The following ATP10A variants were observed in gnomAD, a reference collection of about 807,000 sequenced individuals.
The protein encoded by ATP10A is phospholipid-transporting ATPase VA.
Under a neutral mutation model 147.8 loss-of-function variants are expected in ATP10A, and 111 were observed. That is an observed-to-expected ratio of 0.75 (90% CI 0.64 to 0.88). ATP10A has a LOEUF of 0.88. Ranked by LOEUF, ATP10A falls within the 40% of genes least tolerant of loss-of-function variation. ATP10A has a pLI of 0.00. For missense variants in ATP10A, 1,927 were observed against 1,959.0 expected (o/e 0.98, Z 0.31); for synonymous variants, 875 against 841.6 (o/e 1.04, Z -0.69).
intron 1 of ATP10A, among the ~76,000 whole-genome samples, chr15:25,804,985 G>A (rs1351159317): frequency 2.0e-5 from 3 of 152,178 alleles, no homozygotes; most frequent in Non-Finnish European, 2.9e-5. Context: ...ACAGAAAGGC[G>A]GGTGTGGAGG....
intron 1 of ATP10A, among the ~76,000 whole-genome samples, chr15:25,828,974 A>C (rs1289297345): frequency 2.6e-5 from 4 of 152,178 alleles, no homozygotes; most frequent in African/African-American, 7.2e-5. Flanking sequence ...CAACCTTATT[A>C]ATAAAGCTTT....
At chr15:25,839,244 G>C (rs1394114180) in intron 1 of ATP10A, among the ~76,000 whole-genome samples, 2 of 152,152 alleles carry the variant, frequency 1.3e-5, no homozygotes, top group Non-Finnish European at 2.9e-5. Context: ...CCTGCCAACT[G>C]TAATTATCCA....
At chr15:25,855,419 C>G (rs1198211868) in intron 1 of ATP10A, among the ~76,000 whole-genome samples, 1 of 152,120 alleles carries the variant, frequency 6.6e-6, no homozygotes, top group Non-Finnish European at 1.5e-5. Context: ...AAGCCTTTGA[C>G]AAAATCCAAA....
intron 5 of ATP10A, among the ~76,000 whole-genome samples, chr15:25,724,381 C>CA (rs1217769885): frequency 1.3e-5 from 2 of 152,058 alleles, no homozygotes; most frequent in Non-Finnish European, 2.9e-5. Context: ...AAATGCGCAG[C>CA]AAAAAAACAG....
intron 5 of ATP10A, 95 bp downstream of exon 5, chr15:25,725,856 G>C: frequency 7.1e-7 from 1 of 1,401,194 alleles, no homozygotes; most frequent in East Asian, 2.4e-5. Context: ...GACCTCAAGT[G>C]ATCTGCCCGC....
upstream of ATP10A, among the ~76,000 whole-genome samples, chr15:25,864,635 C>T (rs960765045): frequency 6.6e-6 from 1 of 152,192 alleles, no homozygotes; most frequent in Non-Finnish European, 1.5e-5. Context: ...TAATCCCATC[C>T]CCCAGTCACA....
intron 20 of ATP10A, 52 bp downstream of exon 20, chr15:25,680,069 G>T: frequency 6.3e-7 from 1 of 1,593,240 alleles, no homozygotes. Flanking sequence ...CAATGCCAAT[G>T]TCGTCTGGGC....
Position 25,713,974 on chromosome 15 carries a change from C to A in ATP10A, c.2044G>T (p.Ala682Ser), listed in dbSNP as rs1242813628. The change falls in exon 10 of 21, where the codon GCT becomes TCT. Residue 682 changes from alanine to serine, a missense_variant. Transcript: ENST00000555815. Reference sequence around the variant, plus strand: ...TCGCGCTCTGACTCCTGCTCCTGAGCAAGCTCCGAGGCCCAGTTGTCCGCC... The same window carrying A: ...TCGCGCTCTGACTCCTGCTCCTGAGAAAGCTCCGAGGCCCAGTTGTCCGCC... ...SQADNWASELAQEQESERELR... is the reference protein window; with the variant it reads ...SQADNWASELSQEQESERELR... The A allele has an allele frequency of 6.2e-7, 1 of 1,609,844 alleles. No homozygotes were observed. The highest frequency in any genetic ancestry group is 8.5e-7 in the Non-Finnish European group (1 of 1,179,942).
chr15:25,679,694 T>C lies in ATP10A; in HGVS notation c.4147A>G (p.Thr1383Ala), dbSNP rs1899273779. Residue 1383 changes from threonine (T) to alanine (A), a missense_variant, in exon 21 of 21, where the codon ACC (threonine) becomes GCC (alanine). Physicochemically the swap from Thr to Ala is moderately conservative, Grantham distance 58 (BLOSUM62 0). Transcript: ENST00000555815. ...VDMSMPVREH[T>A]LLEGLSAPAP... ...GGTGCGCTCAGCCCCTCCAGCAGGGTGTGCTCCCTCACTGGCATGCTCATG... is the reference window on the plus strand; with the variant it reads ...GGTGCGCTCAGCCCCTCCAGCAGGGCGTGCTCCCTCACTGGCATGCTCATG... 6.2e-7 allele frequency: 1 copy of C among 1,613,084 alleles called. No homozygotes were observed. Among genetic ancestry groups the C allele is most frequent in the Non-Finnish European group, 8.5e-7 (1 of 1,180,006 alleles).
intron 5 of ATP10A, among the ~76,000 whole-genome samples, chr15:25,724,362 T>A (rs11161210): frequency 0.12 from 18,824 of 152,182 alleles, 2,079 homozygotes; most frequent in African/African-American, 0.26. Context: ...ACGAAATACC[T>A]GTCTCATGAA....
At position 25,829,495 on chromosome 15, in the gene ATP10A, C is replaced by T. The variant is rs974804218; in HGVS notation, c.449+33153G>A. ...TTTCTTGAGCAGGAACCAAGCATGC[C>T]GCCACACAGAAAACAAAGCTCTTGC... On this transcript the variant is annotated intron_variant, in intron 1 of 20. Coordinates refer to ENST00000555815, the MANE Select transcript of ATP10A (RefSeq NM_024490.4). 5.9e-5 allele frequency among the ~76,000 whole-genome samples: 9 copies of T among 152,184 alleles called. No individual in the cohort carries two copies. In the South Asian group the frequency reaches 1.5e-3, roughly 25 times the overall value.
At chr15:25,682,002 C>T (rs1455750732) in intron 17 of ATP10A, among the ~76,000 whole-genome samples, 6 of 146,990 alleles carry the variant, frequency 4.1e-5, no homozygotes, top group Admixed American at 3.5e-4. Flanking sequence ...TGCAGTGAGC[C>T]GAGATCACAC....
At chr15:25,729,579 A>C (rs1356760935) in intron 3 of ATP10A, among the ~76,000 whole-genome samples, 3 of 151,978 alleles carry the variant, frequency 2.0e-5, no homozygotes, top group Non-Finnish European at 2.9e-5. Flanking sequence ...AGGACTCCTC[A>C]TTGCTCCAGC....
chr15:25,757,154 G>A (rs1020521621), intron 2 of ATP10A, among the ~76,000 whole-genome samples: 3 of 152,108 alleles, frequency 2.0e-5, no homozygotes, highest in Non-Finnish European at 4.4e-5. Context: ...TTAACAATAA[G>A]TAAAAAGTTT....
At chr15:25,687,979 C>G (rs772143050) in intron 15 of ATP10A, 151 bp from the exon 16 acceptor site, 2 of 993,362 alleles carry the variant, frequency 2.0e-6, no homozygotes, top group Admixed American at 3.9e-5. Flanking sequence ...CCATCGCTGT[C>G]GTCTCCCTCA....
chr15:25,832,150 A>G (rs1341130563), intron 1 of ATP10A, among the ~76,000 whole-genome samples: 1 of 152,220 alleles, frequency 6.6e-6, no homozygotes, highest in East Asian at 1.9e-4. Flanking sequence ...GGACGTAAGG[A>G]CTGGCGGCCA....
rs187206530 is a variant in ATP10A, at chr15:25,754,194, C to T, written c.655-18053G>A. Among the ~76,000 whole-genome samples, 8 of 152,226 alleles carry T rather than the reference C, an allele frequency of 5.3e-5. No homozygotes were observed. The East Asian group carries it at 7.7e-4, about 15-fold the overall frequency. On this transcript the variant is annotated intron_variant, in intron 2 of 20. Transcript: ENST00000555815. ...CTGTCACCTGGCTGGAATGCAGTGG[C>T]GTGATCTCGGCTTGCTGCAACCTCT... is the stretch of plus-strand genomic sequence containing the variant.
At chr15:25,860,557 C>T (rs1191967921) in intron 1 of ATP10A, among the ~76,000 whole-genome samples, 1 of 152,188 alleles carries the variant, frequency 6.6e-6, no homozygotes, top group Non-Finnish European at 1.5e-5. Context: ...CGCCCACTGT[C>T]CTCAAGGCAG....
Position 25,714,050 on chromosome 15 carries a change from C to A in ATP10A, c.1968G>T (p.Glu656Asp). The A allele has an allele frequency of 6.2e-7, 1 of 1,612,444 alleles. No homozygotes were observed. The highest frequency in any genetic ancestry group is 2.2e-5 in the East Asian group (1 of 44,870). Reference protein sequence around the residue: ...SSDGMLLRLEERLGQPTSAIA... With the variant: ...SSDGMLLRLEDRLGQPTSAIA... Reference sequence around the variant, plus strand: ...TGGCCGAGGTGGGCTGGCCCAGCCTCTCCTCCAGCCTGAGAAGCATGCCGT... The same window carrying A: ...TGGCCGAGGTGGGCTGGCCCAGCCTATCCTCCAGCCTGAGAAGCATGCCGT... The change falls in exon 10 of 21, where the codon GAG (glutamate) becomes GAT (aspartate). Residue 656 changes from glutamate to aspartate, a missense_variant. Physicochemically the swap from Glu to Asp is conservative, Grantham distance 45. Transcript: ENST00000555815.
Sources: gnomAD v4.1 joint callset for allele counts (sites outside exome capture counted in the v4.1 genomes callset) on GRCh38, gnomAD v4.1.1 for gene constraint, MANE v1.5 for transcripts, NCBI Gene and HGNC (gene_info 2026-07-23, HGNC 2026-07-21) for gene names.